The following ESRP1 variants were observed in gnomAD, a reference collection of about 807,000 sequenced individuals.
The protein encoded by ESRP1 is RNA-binding motif protein 35A.
In ESRP1, 33 loss-of-function variants were observed where a neutral mutation model predicts 81.7. The ratio of observed to expected loss-of-function variants is 0.40; its 90% CI spans 0.31 to 0.54. The LOEUF (loss-of-function observed/expected upper bound fraction) is 0.54, where lower values mean the gene tolerates loss of function less well. Ranked by LOEUF, ESRP1 falls within the 20% of genes least tolerant of loss-of-function variation. The pLI is 0.41. For synonymous variants in ESRP1, 320 were observed against 303.3 expected (o/e 1.06, Z -0.57); for missense variants, 672 against 833.1 (o/e 0.81, Z 2.38).
At chr8:94,685,654 G>T (rs1381288353) in intron 13 of ESRP1, among the ~76,000 whole-genome samples, 1 of 152,008 alleles carries the variant, frequency 6.6e-6, no homozygotes, top group Non-Finnish European at 1.5e-5. Flanking sequence ...AAAAAAATTA[G>T]CCAGGCATGG....
intron 4 of ESRP1, 121 bp downstream of exon 4, chr8:94,646,403 T>G: frequency 1.6e-6 from 1 of 607,040 alleles, no homozygotes. Context: ...CTATCCAAAA[T>G]TTGTTTACTC....
Position 94,662,304 on chromosome 8 carries a change from C to T in ESRP1, c.523C>T (p.Arg175Ter). The T allele has an allele frequency of 6.3e-7, 1 of 1,581,674 alleles. No homozygotes were observed. The highest frequency in any genetic ancestry group is 1.2e-5 in the South Asian group (1 of 86,090). Residue 175 changes from arginine (R) to a stop codon, truncating the protein, a stop_gained, in exon 5 of 16, where the codon CGA becomes TGA. Coordinates refer to ENST00000433389, the MANE Select transcript of ESRP1 (RefSeq NM_017697.4). LOFTEE classifies it high-confidence loss of function. ...TTTTGAGAAGAGTAGTTCAGTCTCTCGATATGGAGCCTCTCAAGTTGAAGA... is the reference window on the plus strand; with the variant it reads ...TTTTGAGAAGAGTAGTTCAGTCTCTTGATATGGAGCCTCTCAAGTTGAAGA... ...LNFEKSSSVS[R>*]YGASQVEDMG...
rs1171313814 is a variant in ESRP1, at chr8:94,664,602, C to A, written c.645-95C>A. On this transcript the variant is annotated intron_variant, in intron 6 of 15. Coordinates refer to ENST00000433389, the MANE Select transcript of ESRP1 (RefSeq NM_017697.4). ...TAGTCTGTCTGAACACCAAATAATA[C>A]ATCCTGTGTAACTAGGCAGTTGTCT... is the stretch of plus-strand genomic sequence containing the variant. 7.1e-6 allele frequency: 6 copies of A among 840,484 alleles called. No individual in the cohort carries two copies. In the East Asian group the frequency reaches 1.2e-4, roughly 17 times the overall value. 52.1% of individuals were successfully genotyped at this position (840,484 alleles called of 1,614,324 possible).
intron 4 of ESRP1, among the ~76,000 whole-genome samples, 180 bp from the exon 5 acceptor site, chr8:94,662,092 C>T (rs1295365131): frequency 6.6e-6 from 1 of 152,148 alleles, no homozygotes; most frequent in African/African-American, 2.4e-5. Flanking sequence ...CTCTTTTACC[C>T]AAAAGGGCAG....
chr8:94,705,915 T>A lies in ESRP1; in HGVS notation c.*36-10T>A, dbSNP rs1810054092. On this transcript the variant is annotated splice_polypyrimidine_tract_variant and intron_variant, in intron 15 of 15. Coordinates refer to ENST00000433389, the MANE Select transcript of ESRP1 (RefSeq NM_017697.4). ...TTCCTTTTATTCACTTTTTTTTTTTTTTTTTTCAGTGTTTGAAAGATGTAT... is the reference window on the plus strand; with the variant it reads ...TTCCTTTTATTCACTTTTTTTTTTTATTTTTTCAGTGTTTGAAAGATGTAT... 3.3e-6 allele frequency: 5 copies of A among 1,519,402 alleles called. No homozygotes were observed. In the East Asian group the frequency reaches 1.2e-4, roughly 37 times the overall value. 94.1% of individuals were successfully genotyped at this position (1,519,402 alleles called of 1,614,324 possible). A position where few individuals can be genotyped will look rare whatever the true frequency, so the allele number is the denominator to read the frequency against.
chr8:94,643,307 A>G lies in ESRP1; in HGVS notation c.266A>G (p.Asn89Ser). The stretch of plus-strand genomic sequence containing the variant: ...ATGTGTATCTTGTTCTTGCAGTTTA[A>G]CCAGTCAGTGAGCAATGAACTGAAT... ...SQLDQALRQF[N>S]QSVSNELNIG... The change falls in exon 3 of 16, where the codon AAC becomes AGC. Residue 89 changes from asparagine (N) to serine (S), a missense_variant. Coordinates refer to ENST00000433389, the MANE Select transcript of ESRP1 (RefSeq NM_017697.4). The G allele has an allele frequency of 6.2e-7, 1 of 1,604,218 alleles. No homozygotes were observed. Among genetic ancestry groups the G allele is most frequent in the African/African-American group, 1.3e-5 (1 of 74,868 alleles).
intron 3 of ESRP1, among the ~76,000 whole-genome samples, chr8:94,645,055 A>G (rs1030219973): frequency 2.0e-5 from 3 of 152,176 alleles, no homozygotes; most frequent in Non-Finnish European, 4.4e-5. Context: ...TAAACTGATT[A>G]TTGTTGAACA....
At chr8:94,682,779 A>G (rs1808947153) in intron 13 of ESRP1, among the ~76,000 whole-genome samples, 1 of 150,544 alleles carries the variant, frequency 6.6e-6, no homozygotes, top group Non-Finnish European at 1.5e-5. Context: ...TATGGTGAGG[A>G]ATAACCATTG....
intron 2 of ESRP1, 47 bp downstream of exon 2, chr8:94,642,131 C>T (rs1817633018): frequency 6.3e-7 from 1 of 1,592,966 alleles, no homozygotes; most frequent in African/African-American, 1.3e-5. Context: ...GGCCCAACCC[C>T]ACCGCACCCT....
At chr8:94,644,483 G>A (rs916826827) in intron 3 of ESRP1, among the ~76,000 whole-genome samples, 8 of 152,078 alleles carry the variant, frequency 5.3e-5, no homozygotes, top group African/African-American at 1.4e-4. Flanking sequence ...CCTTTTATAC[G>A]AGTCTTAGTA....
rs1426171 is a variant in ESRP1 at position 94,664,904 on chromosome 8, T to G, written c.756-23T>G. 1.9e-6 allele frequency: 3 copies of G among 1,607,720 alleles called. No homozygotes were observed. The South Asian group carries it at 3.3e-5, about 18-fold the overall frequency. On this transcript the variant is annotated intron_variant, in intron 7 of 15. Coordinates refer to ENST00000433389, the MANE Select transcript of ESRP1 (RefSeq NM_017697.4). ...TCACTGTATTTTTTTTTCTACCTGC[T>G]GTCTGTTTTATTATTCTCAAAGGGG...
chr8:94,671,699 A>ATT lies in ESRP1; in HGVS notation c.1452+30_1452+31dup, dbSNP rs1563533309. On this transcript the variant is annotated intron_variant, in intron 11 of 15. Transcript: ENST00000433389. ...AAGAAAGATACTTAGTGGAAAACTT[A>ATT]TTTGCTTTTTCTCACTACATATGAG... is the stretch of plus-strand genomic sequence containing the variant. The ATT allele has an allele frequency of 1.9e-6, 3 of 1,581,928 alleles. No individual in the cohort carries two copies. The Admixed American group carries it at 5.2e-5, about 27-fold the overall frequency.
rs1020238605 is a variant in ESRP1 at position 94,706,072 on chromosome 8, G to C, written c.*183G>C. The C allele has an allele frequency of 6.0e-6, 6 of 1,000,476 alleles. No individual in the cohort carries two copies. Among genetic ancestry groups the C allele is most frequent in the Non-Finnish European group, 8.6e-6 (6 of 699,426 alleles). The allele number at this position is 1,000,476 out of a possible 1,614,324, so 62.0% of individuals were successfully genotyped here. ...CCTGTGCCTTATCTTTTGGTGGAGT[G>C]AAAAAATTTGAGCTAGTGAAGCCAA... On this transcript the variant is annotated 3_prime_UTR_variant, in exon 16 of 16. Coordinates refer to ENST00000433389, the MANE Select transcript of ESRP1 (RefSeq NM_017697.4).
intron 13 of ESRP1, among the ~76,000 whole-genome samples, chr8:94,679,669 AC>A (rs1808791506): frequency 6.6e-6 from 1 of 151,456 alleles, no homozygotes; most frequent in Non-Finnish European, 1.5e-5. Flanking sequence ...TTTTTTTTCT[AC>A]CAGTAGTTTT....
At chr8:94,667,883 T>C (rs1012733168) in intron 9 of ESRP1, 66 bp from the exon 10 acceptor site, 43 of 1,398,396 alleles carry the variant, frequency 3.1e-5, no homozygotes, top group Non-Finnish European at 4.0e-5. Flanking sequence ...TTTTATCACT[T>C]TAAAATCGGT....
intron 11 of ESRP1, 54 bp from the exon 12 acceptor site, chr8:94,674,254 C>T: frequency 1.3e-6 from 2 of 1,558,034 alleles, no homozygotes; most frequent in Non-Finnish European, 1.7e-6. Flanking sequence ...GCAACCATTT[C>T]CTTGTTGAAG....
intron 10 of ESRP1, among the ~76,000 whole-genome samples, chr8:94,669,608 G>A (rs1189470360): frequency 6.6e-6 from 1 of 152,110 alleles, no homozygotes; most frequent in Non-Finnish European, 1.5e-5. Context: ...GCTCACGCCT[G>A]TAATCCTAGC....
intron 9 of ESRP1, among the ~76,000 whole-genome samples, chr8:94,666,786 GGTTGCT>G (rs56153222): frequency 0.15 from 23,440 of 152,078 alleles, 2,298 homozygotes; most frequent in Non-Finnish European, 0.22. Flanking sequence ...ATATATTTGG[GGTTGCT>G]GTGGTTTTAC....
intron 15 of ESRP1, among the ~76,000 whole-genome samples, chr8:94,702,047 C>T (rs534210711): frequency 1.8e-4 from 28 of 152,284 alleles, no homozygotes; most frequent in South Asian, 8.3e-4. Flanking sequence ...CACTGCCCTC[C>T]AGCCTGGACG....
Sources: gnomAD v4.1 joint callset for allele counts (sites outside exome capture counted in the v4.1 genomes callset) on GRCh38, gnomAD v4.1.1 for gene constraint, MANE v1.5 for transcripts, NCBI Gene and HGNC (gene_info 2026-07-23, HGNC 2026-07-21) for gene names.